The following TAFA1 variants were observed in gnomAD, a reference collection of about 807,000 sequenced individuals.
The protein encoded by TAFA1 is TAFA chemokine like family member 1.
In TAFA1, 4 loss-of-function variants were observed where a neutral mutation model predicts 18.5. That is an observed-to-expected ratio of 0.22 (90% CI 0.11 to 0.49). The LOEUF (loss-of-function observed/expected upper bound fraction) is 0.49, where lower values mean the gene tolerates loss of function less well. Ranked by LOEUF, TAFA1 falls within the 20% of genes least tolerant of loss-of-function variation. TAFA1 has a pLI of 0.98. For missense variants in TAFA1, 147 were observed against 169.0 expected (o/e 0.87, Z 0.72); for synonymous variants, 56 against 55.2 (o/e 1.01, Z -0.06).
At chr3:68,055,189 G>A (rs965600596) in intron 2 of TAFA1, among the ~76,000 whole-genome samples, 49 of 152,188 alleles carry the variant, frequency 3.2e-4, no homozygotes, top group African/African-American at 1.1e-3. Context: ...AAGAAACTCT[G>A]GGAAATCTGT....
At chr3:67,996,512 A>G in the TAFA1 span, among the ~76,000 whole-genome samples, 2 of 152,164 alleles carry the variant, frequency 1.3e-5, no homozygotes, top group African/African-American at 4.8e-5. Context: ...AGAATGGTAT[A>G]ATATGGCTGC....
At chr3:68,512,048 G>C (rs1218550459) in intron 3 of TAFA1, among the ~76,000 whole-genome samples, 1 of 151,880 alleles carries the variant, frequency 6.6e-6, no homozygotes, top group Non-Finnish European at 1.5e-5. Flanking sequence ...CTAATAAAAA[G>C]GGCACCAAGG....
intron 2 of TAFA1, among the ~76,000 whole-genome samples, chr3:68,392,328 G>T (rs566059432): frequency 1.3e-5 from 2 of 151,968 alleles, no homozygotes; most frequent in African/African-American, 2.4e-5. Context: ...AAATAAATAC[G>T]CATCCAATAC....
At chr3:68,250,185 G>GT (rs201665485) in intron 2 of TAFA1, among the ~76,000 whole-genome samples, 2,307 of 152,192 alleles carry the variant, frequency 0.015, 62 homozygotes, top group Non-Finnish European at 0.015. Context: ...TGTACTAACT[G>GT]TGGAACCCTG....
chr3:68,507,743 A>G (rs1403019291), intron 3 of TAFA1, among the ~76,000 whole-genome samples: 1 of 152,080 alleles, frequency 6.6e-6, no homozygotes, highest in East Asian at 1.9e-4. Flanking sequence ...ACCAACCCAG[A>G]CCCATTTCTC....
At chr3:68,302,918 A>G (rs997244275) in intron 2 of TAFA1, among the ~76,000 whole-genome samples, 1 of 152,202 alleles carries the variant, frequency 6.6e-6, no homozygotes, top group Non-Finnish European at 1.5e-5. Flanking sequence ...TTCTACTACT[A>G]ACTGTCCATG....
At chr3:68,323,971 C>A (rs1365516670) in intron 2 of TAFA1, among the ~76,000 whole-genome samples, 4 of 152,112 alleles carry the variant, frequency 2.6e-5, no homozygotes, top group African/African-American at 9.7e-5. Context: ...GGAATTGTTG[C>A]ATTTCTTTCT....
At chr3:68,379,310 T>C (rs1437199859) in intron 2 of TAFA1, among the ~76,000 whole-genome samples, 2 of 152,236 alleles carry the variant, frequency 1.3e-5, no homozygotes, top group Non-Finnish European at 2.9e-5. Flanking sequence ...TGTCTTCTTT[T>C]GAAAAATGTC....
intron 3 of TAFA1, among the ~76,000 whole-genome samples, chr3:68,452,979 G>A (rs559782200): frequency 2.8e-4 from 43 of 152,186 alleles, no homozygotes; most frequent in African/African-American, 9.2e-4. Flanking sequence ...TCATCTACTC[G>A]CCTCTTTGAA....
intron 3 of TAFA1, among the ~76,000 whole-genome samples, chr3:68,486,264 T>A (rs978281002): frequency 9.9e-5 from 15 of 151,984 alleles, no homozygotes; most frequent in Non-Finnish European, 1.9e-4. Flanking sequence ...CGATAAATTC[T>A]TATTAAACAG....
chr3:68,250,511 C>A (rs2067173895), intron 2 of TAFA1, among the ~76,000 whole-genome samples: 1 of 152,114 alleles, frequency 6.6e-6, no homozygotes, highest in African/African-American at 2.4e-5. Flanking sequence ...TCACAGCGTC[C>A]CCACAGCAGC....
At chr3:68,339,930 G>C (rs2069050993) in intron 2 of TAFA1, among the ~76,000 whole-genome samples, 1 of 152,170 alleles carries the variant, frequency 6.6e-6, no homozygotes, top group East Asian at 1.9e-4. Flanking sequence ...ACAAAATGCA[G>C]CTATGAGACA....
At chr3:68,133,209 C>G (rs1003683699) in intron 2 of TAFA1, among the ~76,000 whole-genome samples, 4 of 152,118 alleles carry the variant, frequency 2.6e-5, no homozygotes, top group Admixed American at 2.6e-4. Context: ...GGCCTCTGTT[C>G]TGTTCCATTG....
intron 2 of TAFA1, among the ~76,000 whole-genome samples, chr3:68,165,295 A>G (rs1006275554): frequency 6.6e-6 from 1 of 152,176 alleles, no homozygotes; most frequent in African/African-American, 2.4e-5. Flanking sequence ...TCACCAGCAA[A>G]ACTGCCTAAT....
intron 3 of TAFA1, among the ~76,000 whole-genome samples, chr3:68,443,391 G>A (rs993845755): frequency 1.4e-5 from 2 of 147,232 alleles, no homozygotes; most frequent in Non-Finnish European, 3.0e-5. Flanking sequence ...GGATCTCCAG[G>A]TCATGAATAG....
At chr3:68,540,567 C>A (rs990737605) in intron 4 of TAFA1, among the ~76,000 whole-genome samples, 1 of 152,164 alleles carries the variant, frequency 6.6e-6, no homozygotes, top group African/African-American at 2.4e-5. Context: ...GGAATCTAAC[C>A]ACCTTTGTTT....
At chr3:68,318,330 G>T (rs2068639423) in intron 2 of TAFA1, among the ~76,000 whole-genome samples, 1 of 152,198 alleles carries the variant, frequency 6.6e-6, no homozygotes, top group East Asian at 1.9e-4. Context: ...TGAGTTTTAT[G>T]GAAAATATTT....
chr3:68,315,137 T>C (rs2068586251), intron 2 of TAFA1, among the ~76,000 whole-genome samples: 1 of 152,150 alleles, frequency 6.6e-6, no homozygotes, highest in Non-Finnish European at 1.5e-5. Context: ...CTTCTCTTCC[T>C]GGAAGAGAGA....
chr3:68,489,702 A>C (rs2072415311), intron 3 of TAFA1, among the ~76,000 whole-genome samples: 1 of 152,240 alleles, frequency 6.6e-6, no homozygotes, highest in African/African-American at 2.4e-5. Context: ...AAATCAAGGC[A>C]GTGGCACCAA....
Sources: allele counts gnomAD v4.1 joint callset (sites outside exome capture counted in the v4.1 genomes callset), GRCh38; gene constraint gnomAD v4.1.1; transcripts MANE v1.5; gene names NCBI Gene and HGNC (gene_info 2026-07-23, HGNC 2026-07-21).